Variants in CDH13 observed in about 807,000 individuals in gnomAD.
The protein encoded by CDH13 is cadherin 13.
Under a neutral mutation model 63.8 loss-of-function variants are expected in CDH13, and 24 were observed. The ratio of observed to expected loss-of-function variants is 0.38; its 90% CI spans 0.27 to 0.53. The LOEUF (loss-of-function observed/expected upper bound fraction) is 0.53. Among genes scored for constraint, CDH13 ranks in the 20% least tolerant of loss-of-function variants. The pLI is 0.85. For missense variants in CDH13, 1,049 were observed against 903.1 expected (o/e 1.16, Z -2.07); for synonymous variants, 503 against 355.3 (o/e 1.42, Z -4.67).
At chr16:83,727,200 A>G (rs1910513787) in intron 10 of CDH13, among the ~76,000 whole-genome samples, 1 of 151,854 alleles carries the variant, frequency 6.6e-6, no homozygotes, top group African/African-American at 2.4e-5. Context: ...CCACTGCTCT[A>G]GTGACCACTA....
chr16:83,736,222 G>T (rs978531029), intron 10 of CDH13, among the ~76,000 whole-genome samples: 4 of 152,148 alleles, frequency 2.6e-5, no homozygotes, highest in Non-Finnish European at 5.9e-5. Flanking sequence ...TAAAGCATCT[G>T]TGTAATGCTT....
intron 2 of CDH13, among the ~76,000 whole-genome samples, chr16:82,995,390 C>A (rs990301868): frequency 6.6e-6 from 1 of 152,202 alleles, no homozygotes; most frequent in African/African-American, 2.4e-5. Flanking sequence ...GCACATTAAT[C>A]CATGCCTTTG....
intron 2 of CDH13, among the ~76,000 whole-genome samples, chr16:82,868,161 C>A (rs1360611606): frequency 6.6e-6 from 1 of 152,200 alleles, no homozygotes; most frequent in Non-Finnish European, 1.5e-5. Context: ...TTGTTTTAAT[C>A]TGTTGCGATG....
At chr16:83,072,212 G>GCT (rs1222707082) in intron 3 of CDH13, among the ~76,000 whole-genome samples, 34 of 152,208 alleles carry the variant, frequency 2.2e-4, no homozygotes, top group Middle Eastern at 6.8e-3. Flanking sequence ...GGAAATCCTT[G>GCT]CTCTGTATTC....
chr16:83,678,657 C>T (rs1467272950), intron 10 of CDH13, among the ~76,000 whole-genome samples, 196 bp downstream of exon 10: 1 of 152,166 alleles, frequency 6.6e-6, no homozygotes, highest in Non-Finnish European at 1.5e-5. Context: ...GGTGAGGATG[C>T]TGCTCCCACC....
intron 5 of CDH13, among the ~76,000 whole-genome samples, chr16:83,337,494 G>A (rs1349609770): frequency 3.9e-5 from 6 of 152,038 alleles, no homozygotes; most frequent in East Asian, 1.9e-4. Context: ...ATATTCAGGC[G>A]GTATCTTAGT....
intron 7 of CDH13, among the ~76,000 whole-genome samples, chr16:83,544,061 C>T (rs1017055063): frequency 2.6e-5 from 4 of 152,130 alleles, no homozygotes; most frequent in African/African-American, 9.7e-5. Context: ...GTGAGCTGCA[C>T]CCAGTGGTTA....
chr16:82,949,295 A>G (rs895887911), intron 2 of CDH13, among the ~76,000 whole-genome samples: 13 of 152,192 alleles, frequency 8.5e-5, no homozygotes, highest in Admixed American at 2.0e-4. Context: ...AATCACTGCA[A>G]TCTCTGCTTT....
At chr16:83,756,478 T>C (rs1031642425) in intron 11 of CDH13, among the ~76,000 whole-genome samples, 1 of 152,256 alleles carries the variant, frequency 6.6e-6, no homozygotes, top group African/African-American at 2.4e-5. Flanking sequence ...GTGGGCCATA[T>C]GTGGCCCAGA....
rs151249277 is a variant in CDH13 at position 83,624,770 on chromosome 16, C to T, written c.1101+22176C>T. Reference sequence around the variant, plus strand: ...AGAAAATGAGGCCTGTGGTTGACTGCACCAACGTGACCTCAAGGAGCAGGT... The same window carrying T: ...AGAAAATGAGGCCTGTGGTTGACTGTACCAACGTGACCTCAAGGAGCAGGT... On this transcript the variant is annotated intron_variant, in intron 8 of 13. Coordinates refer to ENST00000567109, the MANE Select transcript of CDH13 (RefSeq NM_001257.5). Among the ~76,000 whole-genome samples, 9 of 152,262 alleles carry T rather than the reference C, an allele frequency of 5.9e-5. No individual in the cohort carries two copies. In the East Asian group the frequency reaches 1.7e-3, roughly 29 times the overall value.
intron 1 of CDH13, among the ~76,000 whole-genome samples, chr16:82,653,253 A>G (rs1284930687): frequency 1.3e-5 from 2 of 152,188 alleles, no homozygotes; most frequent in Non-Finnish European, 2.9e-5. Context: ...TTTTAGTGCC[A>G]GTTACGTGGC....
intron 1 of CDH13, among the ~76,000 whole-genome samples, chr16:82,674,469 C>T (rs1913663145): frequency 6.6e-6 from 1 of 152,204 alleles, no homozygotes; most frequent in Non-Finnish European, 1.5e-5. Flanking sequence ...TCTTTTCATT[C>T]TGTCTCCATG....
rs550201727 is a variant in CDH13 at position 83,152,404 on chromosome 16, A to T, written c.483+26903A>T. Among the ~76,000 whole-genome samples, 7 of 152,366 alleles carry T rather than the reference A, an allele frequency of 4.6e-5. 1 individual carries two copies. In the East Asian group the frequency reaches 1.3e-3, roughly 29 times the overall value. ...ACTATTAAGGGAAAATATAGGTTAT[A>T]AAACAATATTATAGCATTGTTCTAG... On this transcript the variant is annotated intron_variant, in intron 4 of 13. Coordinates refer to ENST00000567109, the MANE Select transcript of CDH13 (RefSeq NM_001257.5).
At chr16:83,026,817 T>A (rs1036476931) in intron 2 of CDH13, among the ~76,000 whole-genome samples, 1 of 152,162 alleles carries the variant, frequency 6.6e-6, no homozygotes, top group Non-Finnish European at 1.5e-5. Flanking sequence ...ACACACTGAT[T>A]CCAACCATTC....
At chr16:83,604,929 T>C (rs1405838849) in intron 8 of CDH13, among the ~76,000 whole-genome samples, 1 of 152,230 alleles carries the variant, frequency 6.6e-6, no homozygotes. Flanking sequence ...GACAGACTAT[T>C]GTTTTTAATG....
At chr16:82,651,992 G>A (rs544636691) in intron 1 of CDH13, among the ~76,000 whole-genome samples, 4 of 152,214 alleles carry the variant, frequency 2.6e-5, no homozygotes, top group Admixed American at 6.5e-5. Flanking sequence ...GGAGCTTTTC[G>A]TCTTCTTTAA....
At chr16:83,239,151 A>G (rs1383606739) in intron 5 of CDH13, among the ~76,000 whole-genome samples, 2 of 152,132 alleles carry the variant, frequency 1.3e-5, no homozygotes, top group Admixed American at 6.5e-5. Context: ...CAGCCTTACC[A>G]TGCCATTCTT....
At chr16:83,101,416 A>C (rs2034472612) in intron 3 of CDH13, among the ~76,000 whole-genome samples, 1 of 149,996 alleles carries the variant, frequency 6.7e-6, no homozygotes. Flanking sequence ...TATATTTAGT[A>C]TGTTAGATTG....
intron 1 of CDH13, among the ~76,000 whole-genome samples, chr16:82,665,499 A>C (rs190767083): frequency 6.6e-6 from 1 of 152,328 alleles, no homozygotes; most frequent in East Asian, 1.9e-4. Context: ...TTAAGTATTC[A>C]TGGTGACTTC....
Sources: allele counts gnomAD v4.1 joint callset (sites outside exome capture counted in the v4.1 genomes callset), GRCh38; gene constraint gnomAD v4.1.1; transcripts MANE v1.5; gene names NCBI Gene and HGNC (gene_info 2026-07-23, HGNC 2026-07-21).